RRP15: variants seen among roughly 807,000 people sequenced by gnomAD.
The protein encoded by RRP15 is RRP15-like protein.
A neutral mutation model predicts 27.1 loss-of-function variants in RRP15; 18 were observed. That is an observed-to-expected ratio of 0.66 (90% confidence interval 0.46 to 0.98). The LOEUF is 0.98. RRP15 is among the 50% of genes least tolerant of loss of function. RRP15 has a pLI of 0.00. For missense variants in RRP15, 359 were observed against 337.8 expected, an observed-to-expected ratio of 1.06 and a Z score of -0.49; for synonymous variants, 107 against 109.4, an observed-to-expected ratio of 0.98 and a Z score of 0.14.
intron 4 of RRP15, among the ~76,000 whole-genome samples, chr1:218,309,467 G>A (rs892250147): frequency 7.9e-5 from 12 of 151,862 alleles, no homozygotes; most frequent in African/African-American, 2.7e-4. Flanking sequence ...GGCGGATCAC[G>A]AGGTCAGGAG....
At position 218,334,042 on chromosome 1, in the gene RRP15, G is replaced by C. The variant is rs1386774627; in HGVS notation, c.*2951G>C. 6.6e-6 allele frequency: 1 copy of C among 151,898 alleles called. No homozygotes were observed. Among genetic ancestry groups the C allele is most frequent in the Non-Finnish European group, 1.5e-5 (1 of 67,978 alleles). The allele number at this position is 151,898 out of a possible 1,614,324, so 9.4% of individuals were successfully genotyped here. Reference sequence around the variant, plus strand: ...ATATATAGAATATTCTAGATACTTGGATGGCTGGGGTTGATGTTCTTAGTA... The same window carrying C: ...ATATATAGAATATTCTAGATACTTGCATGGCTGGGGTTGATGTTCTTAGTA... On this transcript the variant is annotated 3_prime_UTR_variant, in exon 5 of 5. Transcript: ENST00000366932.
At chr1:218,295,769 G>A (rs1655708845) in intron 1 of RRP15, among the ~76,000 whole-genome samples, 1 of 152,190 alleles carries the variant, frequency 6.6e-6, no homozygotes, top group African/African-American at 2.4e-5. Context: ...TCAGGAAACA[G>A]ACTACTTCCA....
chr1:218,319,645 ATTGT>A (rs1390034281), intron 4 of RRP15, among the ~76,000 whole-genome samples: 1 of 152,034 alleles, frequency 6.6e-6, no homozygotes, highest in African/African-American at 2.4e-5. Context: ...TTATTTCTAA[ATTGT>A]TTGTTGAGTT....
rs1215847832 is a variant in RRP15, at chr1:218,337,273, T to TC, written c.*6188dup. The TC allele has an allele frequency of 6.6e-6, 1 of 152,140 alleles. No individual in the cohort carries two copies. The highest frequency in any genetic ancestry group is 1.9e-4 in the East Asian group (1 of 5,192). 9.4% of individuals were successfully genotyped at this position (152,140 alleles called of 1,614,324 possible). On this transcript the variant is annotated 3_prime_UTR_variant, in exon 5 of 5. Coordinates refer to ENST00000366932, the MANE Select transcript of RRP15 (RefSeq NM_016052.4). ...TGAGTCTTCCTTTTCTAGATAGAAT[T>TC]CCCCCCAACAAAAATTTAAAGTCTA...
chr1:218,308,245 T>A (rs1655934736), intron 4 of RRP15, among the ~76,000 whole-genome samples: 1 of 151,834 alleles, frequency 6.6e-6, no homozygotes, highest in Admixed American at 6.6e-5. Flanking sequence ...CTAATTTTTG[T>A]ATTTTTAGTA....
At chr1:218,306,550 C>T (rs1371927368) in intron 3 of RRP15, among the ~76,000 whole-genome samples, 1 of 151,990 alleles carries the variant, frequency 6.6e-6, no homozygotes, top group Non-Finnish European at 1.5e-5. Context: ...GCTCAAGGCC[C>T]AATAATTATT....
rs1229093376 is a variant in RRP15 at position 218,318,041 on chromosome 1, T to G, written c.705+10409T>G. ...TGAACTCCCAGCTCTTTTATAAAAA[T>G]TGTCAAACAAGAAGAAAATTACAAA... On this transcript the variant is annotated intron_variant, in intron 4 of 4. Coordinates refer to ENST00000366932, the MANE Select transcript of RRP15 (RefSeq NM_016052.4). Among the ~76,000 whole-genome samples the G allele has an allele frequency of 4.6e-5, 7 of 152,160 alleles. No individual in the cohort carries two copies. In the South Asian group the frequency reaches 8.3e-4, roughly 18 times the overall value.
intron 4 of RRP15, among the ~76,000 whole-genome samples, chr1:218,313,207 G>T (rs890109402): frequency 3.9e-5 from 6 of 152,216 alleles, no homozygotes; most frequent in Non-Finnish European, 8.8e-5. Context: ...TTAAGGAAAA[G>T]AAAGGGCTGA....
At chr1:218,296,227 A>G (rs1419324940) in intron 1 of RRP15, among the ~76,000 whole-genome samples, 1 of 152,234 alleles carries the variant, frequency 6.6e-6, no homozygotes, top group East Asian at 1.9e-4. Flanking sequence ...AATCTCTGAT[A>G]CAAAACTTTG....
At position 218,318,480 on chromosome 1, in the gene RRP15, T is replaced by A. The variant is rs147157619; in HGVS notation, c.705+10848T>A. Reference sequence around the variant, plus strand: ...AATCCAGGCCAGTTGTCTTGAAGAATGAATAATGAATCCAGGTTTATGAAT... The same window carrying A: ...AATCCAGGCCAGTTGTCTTGAAGAAAGAATAATGAATCCAGGTTTATGAAT... On this transcript the variant is annotated intron_variant, in intron 4 of 4. Transcript: ENST00000366932. Among the ~76,000 whole-genome samples, 9 of 152,342 alleles carry A rather than the reference T, an allele frequency of 5.9e-5. No individual in the cohort carries two copies. The East Asian group carries it at 1.7e-3, about 29-fold the overall frequency.
At chr1:218,330,400 A>T (rs1477203888) in intron 4 of RRP15, among the ~76,000 whole-genome samples, 1 of 152,234 alleles carries the variant, frequency 6.6e-6, no homozygotes, top group African/African-American at 2.4e-5. Flanking sequence ...CAGTGAGCTC[A>T]TAACCTAAAT....
chr1:218,293,415 A>G (rs1655675157), intron 1 of RRP15, among the ~76,000 whole-genome samples: 1 of 152,252 alleles, frequency 6.6e-6, no homozygotes, highest in Admixed American at 6.5e-5. Context: ...AAAAACTTTT[A>G]TATGATAGTA....
At chr1:218,303,410 C>A (rs1324137259) in intron 2 of RRP15, among the ~76,000 whole-genome samples, 1 of 152,118 alleles carries the variant, frequency 6.6e-6, no homozygotes. Context: ...GTTCTTAATA[C>A]TGGTTGCTCT....
intron 4 of RRP15, among the ~76,000 whole-genome samples, chr1:218,314,172 A>G (rs1306258132): frequency 2.0e-5 from 3 of 151,972 alleles, no homozygotes; most frequent in Non-Finnish European, 4.4e-5. Context: ...GTGATTTTTA[A>G]AAATATTACA....
intron 1 of RRP15, among the ~76,000 whole-genome samples, chr1:218,300,873 C>A (rs1359102305): frequency 6.6e-6 from 1 of 152,142 alleles, no homozygotes; most frequent in African/African-American, 2.4e-5. Flanking sequence ...GGATTGCTTT[C>A]TAATCCTCTG....
At chr1:218,286,910 T>G (rs1361693468) in intron 1 of RRP15, among the ~76,000 whole-genome samples, 1 of 142,876 alleles carries the variant, frequency 7.0e-6, no homozygotes, top group Non-Finnish European at 1.5e-5. Flanking sequence ...GAGTACTATA[T>G]TTGCTATATT....
At chr1:218,294,505 A>G (rs1030655757) in intron 1 of RRP15, among the ~76,000 whole-genome samples, 1 of 152,180 alleles carries the variant, frequency 6.6e-6, no homozygotes, top group African/African-American at 2.4e-5. Context: ...GGTTTATTAT[A>G]AAGCATATTA....
At chr1:218,290,414 C>T (rs1048985009) in intron 1 of RRP15, among the ~76,000 whole-genome samples, 32 of 152,284 alleles carry the variant, frequency 2.1e-4, no homozygotes, top group African/African-American at 7.2e-4. Flanking sequence ...TTTATCAATA[C>T]ATAACCTTGT....
At chr1:218,291,403 CCACTG>C (rs1297791986) in intron 1 of RRP15, among the ~76,000 whole-genome samples, 3 of 151,508 alleles carry the variant, frequency 2.0e-5, no homozygotes, top group Non-Finnish European at 4.4e-5. Context: ...CAAGATTGTG[CCACTG>C]CACTCCAGCC....
Sources: allele counts gnomAD v4.1 joint callset (sites outside exome capture counted in the v4.1 genomes callset), GRCh38; gene constraint gnomAD v4.1.1; transcripts MANE v1.5; gene names NCBI Gene and HGNC (gene_info 2026-07-23, HGNC 2026-07-21).